NFIA: variants seen among roughly 807,000 people sequenced by gnomAD.
The protein encoded by NFIA is nuclear factor 1 A-type.
NFIA carries 8 observed loss-of-function variants against 62.8 expected under a neutral mutation model. The observed-to-expected ratio is 0.13, with a 90% confidence interval of 0.07 to 0.23. NFIA has a LOEUF of 0.23. NFIA is among the 10% of genes least tolerant of loss of function. The pLI is 1.00. For missense variants in NFIA, 410 were observed against 642.1 expected (o/e 0.64, Z 3.91); for synonymous variants, 235 against 238.1 (o/e 0.99, Z 0.12).
chr1:61,237,631 C>T (rs1355015971), intron 2 of NFIA, among the ~76,000 whole-genome samples: 2 of 152,136 alleles, frequency 1.3e-5, no homozygotes, highest in Admixed American at 6.6e-5. Context: ...ATTAGTTATT[C>T]CATGCAAGTT....
At chr1:61,177,653 T>TGTGTGTGTGTGTG (rs1650468549) in intron 2 of NFIA, among the ~76,000 whole-genome samples, 2 of 146,054 alleles carry the variant, frequency 1.4e-5, no homozygotes, top group Non-Finnish European at 3.0e-5. Context: ...GTTTTCTCTA[T>TGTGTGTGTGTGTG]TGTGTGTGTG....
chr1:61,327,553 G>T (rs952891276), intron 3 of NFIA, among the ~76,000 whole-genome samples: 4 of 151,966 alleles, frequency 2.6e-5, no homozygotes, highest in African/African-American at 9.7e-5. Flanking sequence ...TAGAATAATG[G>T]CCTCTGGCTC....
chr1:61,128,377 G>A (rs1449603245), intron 2 of NFIA, among the ~76,000 whole-genome samples: 2 of 152,104 alleles, frequency 1.3e-5, no homozygotes, highest in African/African-American at 4.8e-5. Context: ...TTTGGGAGCC[G>A]AGGCGGGTGG....
Position 61,082,743 on chromosome 1 carries a change from T to C in NFIA, c.-49T>C, listed in dbSNP as rs1271550287. ...TCTCTCACCCACACTCACGCACACC[T>C]CCAAACCGCACACCCAGACGCACAC... On this transcript the variant is annotated 5_prime_UTR_variant, in exon 1 of 11. Transcript: ENST00000403491. 9 of 1,541,964 alleles carry C rather than the reference T, an allele frequency of 5.8e-6. No homozygotes were observed. The highest frequency in any genetic ancestry group is 7.0e-6 in the Non-Finnish European group (8 of 1,142,450).
intron 4 of NFIA, among the ~76,000 whole-genome samples, chr1:61,351,353 T>C (rs537500588): frequency 6.6e-6 from 1 of 152,358 alleles, no homozygotes; most frequent in Admixed American, 6.5e-5. Flanking sequence ...TCAGTAAGCA[T>C]TCATTGGATG....
intron 4 of NFIA, among the ~76,000 whole-genome samples, chr1:61,347,020 G>T (rs922649748): frequency 2.0e-5 from 3 of 152,032 alleles, no homozygotes; most frequent in Non-Finnish European, 4.4e-5. Context: ...TCTCCACCTG[G>T]TCCCACCCTT....
chr1:61,413,564 G>GA (rs1308580471), intron 9 of NFIA, among the ~76,000 whole-genome samples: 1 of 150,076 alleles, frequency 6.7e-6, no homozygotes, highest in Non-Finnish European at 1.5e-5. Flanking sequence ...ATTCTGGGGG[G>GA]AACCACAGCT....
chr1:61,123,523 A>T (rs1429660483), intron 2 of NFIA, among the ~76,000 whole-genome samples: 3 of 152,206 alleles, frequency 2.0e-5, no homozygotes, highest in African/African-American at 7.2e-5. Context: ...TGGGTGAATG[A>T]GTGTTTCAGT....
At chr1:61,324,307 G>A (rs144118410) in intron 3 of NFIA, among the ~76,000 whole-genome samples, 17 of 152,254 alleles carry the variant, frequency 1.1e-4, no homozygotes, top group African/African-American at 3.6e-4. Flanking sequence ...CCGTCAAGTG[G>A]CCAAGGCACA....
intron 6 of NFIA, among the ~76,000 whole-genome samples, chr1:61,371,429 C>G (rs1663879531): frequency 6.6e-6 from 1 of 151,872 alleles, no homozygotes; most frequent in African/African-American, 2.4e-5. Flanking sequence ...ATGAGTTTGT[C>G]TATCAGCATT....
intron 2 of NFIA, among the ~76,000 whole-genome samples, chr1:61,147,795 A>C (rs1297837245): frequency 6.6e-6 from 1 of 152,120 alleles, no homozygotes; most frequent in Non-Finnish European, 1.5e-5. Flanking sequence ...GTGCCCTGAA[A>C]CTTCGGTTGG....
intron 2 of NFIA, among the ~76,000 whole-genome samples, chr1:61,216,836 C>G (rs1653657085): frequency 6.6e-6 from 1 of 151,766 alleles, no homozygotes; most frequent in Admixed American, 6.6e-5. Context: ...CCCGTCTATA[C>G]TAAAACTACA....
chr1:61,188,876 C>T (rs566536071), intron 2 of NFIA, among the ~76,000 whole-genome samples: 12 of 152,096 alleles, frequency 7.9e-5, no homozygotes, highest in Non-Finnish European at 1.5e-4. Context: ...CCTGTTTGTC[C>T]GATTCCATCT....
At chr1:61,086,724 C>T (rs181910525) in intron 1 of NFIA, among the ~76,000 whole-genome samples, 8 of 152,146 alleles carry the variant, frequency 5.3e-5, no homozygotes, top group Admixed American at 2.6e-4. Flanking sequence ...TTAAACAACA[C>T]GACTATTAAA....
At chr1:61,158,756 CT>C (rs1648980800) in intron 2 of NFIA, among the ~76,000 whole-genome samples, 1 of 152,172 alleles carries the variant, frequency 6.6e-6, no homozygotes, top group Admixed American at 6.5e-5. Flanking sequence ...AGAAATTGGT[CT>C]GTATAACACT....
chr1:61,330,735 T>C (rs1326594422), intron 3 of NFIA, among the ~76,000 whole-genome samples: 2 of 152,168 alleles, frequency 1.3e-5, no homozygotes, highest in East Asian at 3.9e-4. Context: ...AAATGAGGAA[T>C]TTCAAAGATT....
intron 2 of NFIA, among the ~76,000 whole-genome samples, chr1:61,173,928 G>C (rs1010414309): frequency 1.3e-5 from 2 of 152,172 alleles, no homozygotes; most frequent in African/African-American, 4.8e-5. Context: ...AGGGTCCTTG[G>C]CATAGTGACT....
chr1:61,253,814 G>A (rs1250360069), intron 2 of NFIA, among the ~76,000 whole-genome samples: 4 of 151,914 alleles, frequency 2.6e-5, no homozygotes, highest in African/African-American at 9.7e-5. Flanking sequence ...ACTTGTCTTG[G>A]TATCTACCAT....
intron 2 of NFIA, among the ~76,000 whole-genome samples, chr1:61,147,763 A>G (rs1224479336): frequency 6.6e-6 from 1 of 151,910 alleles, no homozygotes; most frequent in African/African-American, 2.4e-5. Context: ...GAATTTTTAT[A>G]GTCCCAGCTG....
Sources: allele counts gnomAD v4.1 joint callset (sites outside exome capture counted in the v4.1 genomes callset), GRCh38; gene constraint gnomAD v4.1.1; transcripts MANE v1.5; gene names NCBI Gene and HGNC (gene_info 2026-07-23, HGNC 2026-07-21).